The following TRMT11 variants were observed in gnomAD, a reference collection of about 807,000 sequenced individuals.
TRMT11 encodes the protein tRNA methyltransferase 11.
A neutral mutation model predicts 62.8 loss-of-function variants in TRMT11; 53 were observed. That is an observed-to-expected ratio of 0.84 (90% CI 0.68 to 1.06). TRMT11 has a LOEUF of 1.06. Among genes scored for constraint, TRMT11 ranks in the 50% least tolerant of loss-of-function variants. The pLI is 0.00. For missense variants in TRMT11, 556 were observed against 553.4 expected (o/e 1.00, Z -0.05); for synonymous variants, 188 against 190.3 (o/e 0.99, Z 0.10).
chr6:126,231,057 T>TA, the TRMT11 span, among the ~76,000 whole-genome samples: 3 of 152,350 alleles, frequency 2.0e-5, no homozygotes, highest in East Asian at 5.8e-4. Context: ...ATGTGGCTGA[T>TA]AAAAAATGTA....
chr6:126,136,296 A>G (rs957595285), intron 21 of TRMT11, among the ~76,000 whole-genome samples: 2 of 151,734 alleles, frequency 1.3e-5, no homozygotes, highest in African/African-American at 4.8e-5. Flanking sequence ...AAATTTTAAG[A>G]TACAAATAAC....
chr6:126,160,080 AC>A (rs1318718659), intron 21 of TRMT11, among the ~76,000 whole-genome samples: 9 of 152,136 alleles, frequency 5.9e-5, no homozygotes, highest in African/African-American at 2.2e-4. Context: ...TTATAAAGAC[AC>A]CAGTCATGTT....
At chr6:126,146,578 C>T (rs923119236) in intron 21 of TRMT11, among the ~76,000 whole-genome samples, 11 of 151,350 alleles carry the variant, frequency 7.3e-5, no homozygotes, top group African/African-American at 1.9e-4. Flanking sequence ...AGTGCAATAG[C>T]GTGATCTCGG....
At chr6:125,991,433 T>C (rs1790612488) in intron 1 of TRMT11, among the ~76,000 whole-genome samples, 1 of 151,728 alleles carries the variant, frequency 6.6e-6, no homozygotes, top group Non-Finnish European at 1.5e-5. Context: ...ATTTTTATTT[T>C]TGTGGAGCCG....
chr6:125,992,784 T>G (rs759851416), intron 1 of TRMT11, among the ~76,000 whole-genome samples: 1 of 152,242 alleles, frequency 6.6e-6, no homozygotes, highest in Non-Finnish European at 1.5e-5. Context: ...AAAATAACCT[T>G]TGGGCTGCCT....
At chr6:126,008,628 C>CA in intron 8 of TRMT11, 156 bp downstream of exon 8, 1 of 736,314 alleles carries the variant, frequency 1.4e-6, no homozygotes, top group Middle Eastern at 2.3e-4. Flanking sequence ...ACATCAAGGC[C>CA]AATCCCTCCA....
At chr6:126,034,570 A>G (rs138751607) in intron 12 of TRMT11, among the ~76,000 whole-genome samples, 7 of 152,272 alleles carry the variant, frequency 4.6e-5, no homozygotes, top group South Asian at 2.1e-4. Context: ...ATTACTATCA[A>G]TGGTTAAGAA....
intron 17 of TRMT11, among the ~76,000 whole-genome samples, chr6:126,100,308 G>A (rs1777384043): frequency 6.6e-6 from 1 of 152,110 alleles, no homozygotes; most frequent in Admixed American, 6.5e-5. Flanking sequence ...ATTATGATTT[G>A]CTGTGTCGTG....
Position 126,039,006 on chromosome 6 carries a change from C to CT in TRMT11, c.*176dup, listed in dbSNP as rs1168372716. 2.8e-5 allele frequency: 16 copies of CT among 564,880 alleles called. 2 individuals carry two copies. The highest frequency in any genetic ancestry group is 2.5e-4 in the African/African-American group (13 of 51,248). 35.0% of individuals were successfully genotyped at this position (564,880 alleles called of 1,614,324 possible). On this transcript the variant is annotated 3_prime_UTR_variant, in exon 13 of 13. Coordinates refer to ENST00000334379, the MANE Select transcript of TRMT11 (RefSeq NM_001031712.3). The stretch of plus-strand genomic sequence containing the variant: ...TTTAAAGTTATCTTTGTTTTATAGA[C>CT]TTTTTTGTTGTATGTATTACAGTCT...
chr6:126,212,867 C>T, the TRMT11 span, among the ~76,000 whole-genome samples: 23 of 151,812 alleles, frequency 1.5e-4, no homozygotes, highest in African/African-American at 4.6e-4. Flanking sequence ...TGTCCTGGAG[C>T]CTTTTCCCAT....
At chr6:126,226,393 C>T in the TRMT11 span, among the ~76,000 whole-genome samples, 6 of 151,946 alleles carry the variant, frequency 3.9e-5, no homozygotes, top group Admixed American at 1.3e-4. Flanking sequence ...TTAAGAATAC[C>T]GTTTGTTACT....
At chr6:126,001,288 A>G (rs951515299) in intron 7 of TRMT11, among the ~76,000 whole-genome samples, 4 of 151,910 alleles carry the variant, frequency 2.6e-5, no homozygotes, top group African/African-American at 9.7e-5. Flanking sequence ...TATTTCTTTG[A>G]TGTCTTTGAT....
rs565301399 is a variant in TRMT11 at position 126,015,096 on chromosome 6, A to G, written c.1139+1995A>G. Among the ~76,000 whole-genome samples, 25 of 147,588 alleles carry G rather than the reference A, an allele frequency of 1.7e-4. 2 individuals are homozygous for G. In the South Asian group the frequency reaches 5.4e-3, roughly 32 times the overall value. ...GTAGGGCTAAAATAAAAAAAAAAAA[A>G]TACTGTGAAGTAATTTCAAACTTAC... On this transcript the variant is annotated intron_variant, in intron 11 of 12. Coordinates refer to ENST00000334379, the MANE Select transcript of TRMT11 (RefSeq NM_001031712.3).
the TRMT11 span, among the ~76,000 whole-genome samples, chr6:126,272,088 A>G: frequency 6.6e-6 from 1 of 152,202 alleles, no homozygotes; most frequent in African/African-American, 2.4e-5. Context: ...AGTTATTATT[A>G]TAGAATATGG....
At chr6:126,246,211 G>T in the TRMT11 span, among the ~76,000 whole-genome samples, 1 of 152,136 alleles carries the variant, frequency 6.6e-6, no homozygotes, top group East Asian at 1.9e-4. Context: ...GTGAGATCTT[G>T]CTCCTAAAAG....
chr6:126,062,699 G>A (rs1776571210), intron 17 of TRMT11, among the ~76,000 whole-genome samples: 1 of 146,570 alleles, frequency 6.8e-6, no homozygotes, highest in South Asian at 2.1e-4. Flanking sequence ...GATATTACTT[G>A]ACAGGTTTTT....
intron 21 of TRMT11, among the ~76,000 whole-genome samples, chr6:126,157,163 G>A (rs1374933380): frequency 6.6e-6 from 1 of 152,192 alleles, no homozygotes; most frequent in Non-Finnish European, 1.5e-5. Context: ...TGGGTAGGGA[G>A]GCAGGAAGTG....
chr6:126,063,248 G>T (rs981433874), intron 17 of TRMT11, among the ~76,000 whole-genome samples: 2 of 152,054 alleles, frequency 1.3e-5, no homozygotes, highest in African/African-American at 4.8e-5. Flanking sequence ...AAAGGAAAAG[G>T]CTATTTTTGG....
chr6:126,131,762 T>C (rs2128206827), intron 21 of TRMT11, among the ~76,000 whole-genome samples: 1 of 152,204 alleles, frequency 6.6e-6, no homozygotes, highest in South Asian at 2.1e-4. Context: ...ATCACAATGC[T>C]TTTTGTGATG....
Sources: gnomAD v4.1 joint callset for allele counts (sites outside exome capture counted in the v4.1 genomes callset) on GRCh38, gnomAD v4.1.1 for gene constraint, MANE v1.5 for transcripts, NCBI Gene and HGNC (gene_info 2026-07-23, HGNC 2026-07-21) for gene names.